Variants in TENM4 observed in about 807,000 individuals in gnomAD.
TENM4 encodes the protein teneurin-4.
In TENM4, 82 loss-of-function variants were observed where a neutral mutation model predicts 243.3. That is an observed-to-expected ratio of 0.34 (90% confidence interval 0.28 to 0.40). The LOEUF (loss-of-function observed/expected upper bound fraction) is 0.40, where lower values mean the gene tolerates loss of function less well. Among genes scored for constraint, TENM4 ranks in the 10% least tolerant of loss-of-function variants. The pLI is 1.00. For missense variants in TENM4, 3,138 were observed against 3,673.3 expected (o/e 0.85, Z 3.77); for synonymous variants, 1,412 against 1,456.3 (o/e 0.97, Z 0.69).
chr11:78,928,420 T>G (rs1489586003), intron 6 of TENM4, among the ~76,000 whole-genome samples: 1 of 152,152 alleles, frequency 6.6e-6, no homozygotes, highest in African/African-American at 2.4e-5. Flanking sequence ...AGGTAACAAC[T>G]CTCAATATTT....
At chr11:79,243,994 G>T (rs187535902) in intron 2 of TENM4, among the ~76,000 whole-genome samples, 220 of 152,304 alleles carry the variant, frequency 1.4e-3, no homozygotes, top group Admixed American at 3.1e-3. Context: ...TTTCCAACAA[G>T]CTCCCGTGAT....
At chr11:79,384,522 A>G (rs1304375836) in intron 1 of TENM4, among the ~76,000 whole-genome samples, 1 of 152,124 alleles carries the variant, frequency 6.6e-6, no homozygotes, top group Non-Finnish European at 1.5e-5. Context: ...GTCCCAGTCT[A>G]TCACTGACTC....
At chr11:78,919,919 G>A (rs924435482) in intron 6 of TENM4, among the ~76,000 whole-genome samples, 3 of 152,060 alleles carry the variant, frequency 2.0e-5, no homozygotes, top group Admixed American at 6.5e-5. Context: ...AGGCAGACCT[G>A]ACCACACCCT....
intron 3 of TENM4, among the ~76,000 whole-genome samples, chr11:79,189,261 C>T (rs1200099538): frequency 1.3e-5 from 2 of 151,992 alleles, no homozygotes; most frequent in Non-Finnish European, 2.9e-5. Flanking sequence ...ACATGTAAAC[C>T]CTCAGCATTT....
At chr11:79,364,350 G>T (rs902814922) in intron 1 of TENM4, among the ~76,000 whole-genome samples, 6 of 152,178 alleles carry the variant, frequency 3.9e-5, no homozygotes, top group African/African-American at 7.2e-5. Context: ...TGGAGGAAAG[G>T]GTTCCTCTGT....
intron 2 of TENM4, among the ~76,000 whole-genome samples, chr11:79,292,182 G>C (rs1856367874): frequency 6.6e-6 from 1 of 152,124 alleles, no homozygotes; most frequent in African/African-American, 2.4e-5. Context: ...GATGAAACAA[G>C]TCAACGGTCC....
At chr11:79,211,316 C>T (rs551197347) in intron 3 of TENM4, among the ~76,000 whole-genome samples, 6 of 152,348 alleles carry the variant, frequency 3.9e-5, no homozygotes, top group African/African-American at 1.2e-4. Context: ...ACTGTTCCCA[C>T]TTCCCGTCTT....
At chr11:79,200,058 T>A (rs971198847) in intron 3 of TENM4, among the ~76,000 whole-genome samples, 7 of 152,226 alleles carry the variant, frequency 4.6e-5, no homozygotes, top group African/African-American at 1.4e-4. Context: ...GCTCAGGACC[T>A]GCAGCATCTC....
At chr11:78,754,249 G>A (rs567135689) in intron 19 of TENM4, among the ~76,000 whole-genome samples, 1 of 152,336 alleles carries the variant, frequency 6.6e-6, no homozygotes, top group Non-Finnish European at 1.5e-5. Context: ...TCTCTCTGAG[G>A]CCTGTGTCTT....
intron 6 of TENM4, among the ~76,000 whole-genome samples, chr11:78,978,173 G>A (rs1857707947): frequency 6.6e-6 from 1 of 151,418 alleles, no homozygotes; most frequent in South Asian, 2.1e-4. Flanking sequence ...TGGACACAGG[G>A]AGGGGAAAAA....
intron 3 of TENM4, among the ~76,000 whole-genome samples, chr11:79,198,588 A>C (rs1863681543): frequency 6.6e-6 from 1 of 152,244 alleles, no homozygotes; most frequent in Non-Finnish European, 1.5e-5. Flanking sequence ...TGCTCTCAGG[A>C]AACTGGTGAG....
intron 1 of TENM4, among the ~76,000 whole-genome samples, chr11:79,337,882 C>T (rs769913700): frequency 1.1e-4 from 16 of 152,178 alleles, no homozygotes; most frequent in Non-Finnish European, 1.6e-4. Context: ...AGACAAGGAA[C>T]CTGCAGCTGG....
chr11:79,169,153 G>A (rs1168367961), intron 3 of TENM4, among the ~76,000 whole-genome samples: 1 of 152,186 alleles, frequency 6.6e-6, no homozygotes, highest in Non-Finnish European at 1.5e-5. Flanking sequence ...GCATGAATGA[G>A]CCTAGCCAAG....
rs75846543 is a variant in TENM4 at position 79,161,617 on chromosome 11, A to T, written c.-162-12811T>A. Among the ~76,000 whole-genome samples the T allele has an allele frequency of 4.2e-4, 64 of 152,306 alleles. No homozygotes were observed. In the East Asian group the frequency reaches 0.011, roughly 27 times the overall value. The stretch of plus-strand genomic sequence containing the variant: ...CAGCCGCCATAGCTAGGAGAGGAGC[A>T]TGGAGTGGATTCTCTCAGAGCCTCC... On this transcript the variant is annotated intron_variant, in intron 3 of 33. Transcript: ENST00000278550.
At chr11:79,362,009 T>A (rs1857597611) in intron 1 of TENM4, among the ~76,000 whole-genome samples, 1 of 152,196 alleles carries the variant, frequency 6.6e-6, no homozygotes, top group Non-Finnish European at 1.5e-5. Flanking sequence ...AAGTATCAGA[T>A]GTTGGAGCAA....
intron 28 of TENM4, among the ~76,000 whole-genome samples, chr11:78,692,161 T>C (rs1021849226): frequency 1.3e-5 from 2 of 152,114 alleles, no homozygotes; most frequent in Admixed American, 6.5e-5. Flanking sequence ...TAGTTACATT[T>C]GTGACAGTTT....
At chr11:78,981,164 G>A (rs1316759350) in intron 6 of TENM4, among the ~76,000 whole-genome samples, 1 of 152,120 alleles carries the variant, frequency 6.6e-6, no homozygotes, top group East Asian at 1.9e-4. Context: ...TGTATGCGAG[G>A]AGGGGATGAT....
chr11:78,862,921 GAC>G (rs1858859385), intron 10 of TENM4, 39 bp downstream of exon 10: 1 of 1,365,620 alleles, frequency 7.3e-7, no homozygotes. Context: ...CTCAGAGGCA[GAC>G]ACAGAGGACT....
intron 4 of TENM4, among the ~76,000 whole-genome samples, chr11:79,080,335 G>A (rs572340186): frequency 6.6e-6 from 1 of 152,336 alleles, no homozygotes; most frequent in South Asian, 2.1e-4. Context: ...GGACAAACAC[G>A]TCTACAGGTG....
Sources: gnomAD v4.1 joint callset for allele counts (sites outside exome capture counted in the v4.1 genomes callset) on GRCh38, gnomAD v4.1.1 for gene constraint, MANE v1.5 for transcripts, NCBI Gene and HGNC (gene_info 2026-07-23, HGNC 2026-07-21) for gene names.